The following ZP1 variants were observed in gnomAD, a reference collection of about 807,000 sequenced individuals.
ZP1 encodes zona pellucida sperm-binding protein 1.
A neutral mutation model predicts 67.4 loss-of-function variants in ZP1; 58 were observed. That is an observed-to-expected ratio of 0.86 (90% CI 0.70 to 1.07). The LOEUF is 1.07. ZP1 is among the 50% of genes least tolerant of loss of function. ZP1 has a pLI of 0.00. For missense variants in ZP1, 759 were observed against 807.3 expected (o/e 0.94, Z 0.72); for synonymous variants, 333 against 332.7 (o/e 1.00, Z -0.01).
Position 60,870,282 on chromosome 11 carries a change from T to C in ZP1, c.683-50T>C, listed in dbSNP as rs1172248743. ...TTCCCAAGATTCAATTCCAGGGCCATGATTTGCAAACTGTGTGCCTTCAGC... is the reference window on the plus strand; with the variant it reads ...TTCCCAAGATTCAATTCCAGGGCCACGATTTGCAAACTGTGTGCCTTCAGC... On this transcript the variant is annotated intron_variant, in intron 3 of 11. Coordinates refer to ENST00000278853, the MANE Select transcript of ZP1 (RefSeq NM_207341.4). The C allele has an allele frequency of 2.1e-6, 3 of 1,450,160 alleles. No homozygotes were observed. The African/African-American group carries it at 4.3e-5, about 21-fold the overall frequency. 89.8% of individuals were successfully genotyped at this position (1,450,160 alleles called of 1,614,324 possible).
chr11:60,873,344 C>A, intron 7 of ZP1, 31 bp from the exon 8 acceptor site: 2 of 1,591,438 alleles, frequency 1.3e-6, no homozygotes, highest in Non-Finnish European at 1.7e-6. Context: ...ATGCACAGCC[C>A]GCCCTGGCTC....
chr11:60,875,559 T>A lies in ZP1; in HGVS notation c.1820T>A (p.Leu607His), dbSNP rs1430205385. ...CTGAGACCTCTCCTTTGGGCGGTCCTTTTGCTGCCAGCTGTTGCCCTGGTC... is the reference window on the plus strand; with the variant it reads ...CTGAGACCTCTCCTTTGGGCGGTCCATTTGCTGCCAGCTGTTGCCCTGGTC... ...SSLRPLLWAV[L>H]LLPAVALVLG... Residue 607 changes from leucine (L) to histidine (H), a missense_variant, in exon 12 of 12, where the codon CTT becomes CAT. Physicochemically the swap from Leu to His is moderately conservative, Grantham distance 99 (BLOSUM62 -3). Coordinates refer to ENST00000278853, the MANE Select transcript of ZP1 (RefSeq NM_207341.4). The A allele has an allele frequency of 1.2e-6, 2 of 1,614,140 alleles. No homozygotes were observed. Among genetic ancestry groups the A allele is most frequent in the Non-Finnish European group, 1.7e-6 (2 of 1,180,002 alleles).
chr11:60,871,142 C>T lies in ZP1; in HGVS notation c.1012C>T (p.Gln338Ter). 6.2e-7 allele frequency: 1 copy of T among 1,613,982 alleles called. No homozygotes were observed. The highest frequency in any genetic ancestry group is 8.5e-7 in the Non-Finnish European group (1 of 1,179,932). ...TCTCACCCACTGTGGAACCACAATG[C>T]AGGTAGGAGCCGGGACCACAGGCTG... Reference protein sequence around the residue: ...FPLTHCGTTMQVAGDQLIYEN... With the variant: ...FPLTHCGTTM The change falls in exon 5 of 12, where the codon CAG becomes TAG. Residue 338 changes from glutamine to a stop codon, truncating the protein, a stop_gained and splice_region_variant. Transcript: ENST00000278853. LOFTEE classifies it high-confidence loss of function.
In ZP1 at chr11:60,871,316, T is replaced by A; in HGVS notation, c.1112+2T>A. 1 of 1,613,478 alleles carries A rather than the reference T, an allele frequency of 6.2e-7. No homozygotes were observed. Among genetic ancestry groups the A allele is most frequent in the Non-Finnish European group, 8.5e-7 (1 of 1,179,986 alleles). ...CATCACGCGGGACAGCACCTTCCAG[T>A]AAGGGCAGCCCTCCTCCTACAGGCG... On this transcript the variant is annotated splice_donor_variant, in intron 6 of 11. Coordinates refer to ENST00000278853, the MANE Select transcript of ZP1 (RefSeq NM_207341.4). LOFTEE classifies it high-confidence loss of function.
chr11:60,867,678 C>T lies in ZP1; in HGVS notation c.117C>T (p.His39=), dbSNP rs1377993612. Residue 39 remains histidine (H), a synonymous_variant, in exon 1 of 12, where the codon CAC becomes CAT. Coordinates refer to ENST00000278853, the MANE Select transcript of ZP1 (RefSeq NM_207341.4). ...ACCCTGGCCTCCCAGGCCTCCGGCA[C>T]AGCTACGACTGTGGGATCAAGGGAA... ...QPDPGLPGLR[H]SYDCGIKGMQ... is the part of the protein sequence containing the mutation. 6.2e-7 allele frequency: 1 copy of T among 1,613,956 alleles called. No individual in the cohort carries two copies. Among genetic ancestry groups the T allele is most frequent in the African/African-American group, 1.3e-5 (1 of 74,956 alleles).
At chr11:60,870,918 G>T (rs374372816) in intron 4 of ZP1, 39 bp from the exon 5 acceptor site, 217 of 1,584,074 alleles carry the variant, frequency 1.4e-4, no homozygotes, top group Non-Finnish European at 1.8e-4. Flanking sequence ...GTGCTGGATG[G>T]ACACCAAACC....
Position 60,870,580 on chromosome 11 carries a change from G to C in ZP1, c.826+105G>C, listed in dbSNP as rs983846242. On this transcript the variant is annotated intron_variant, in intron 4 of 11. Coordinates refer to ENST00000278853, the MANE Select transcript of ZP1 (RefSeq NM_207341.4). The stretch of plus-strand genomic sequence containing the variant: ...AACTGCTTCCTATCCTCCTCCTGGA[G>C]AGCCCAACTCCCAGAGCAGATGGCA... 2.7e-6 allele frequency: 4 copies of C among 1,454,724 alleles called. No individual in the cohort carries two copies. The African/African-American group carries it at 5.7e-5, about 21-fold the overall frequency. 90.1% of individuals were successfully genotyped at this position (1,454,724 alleles called of 1,614,324 possible). A position where few individuals can be genotyped will look rare whatever the true frequency, so the allele number is the denominator to read the frequency against.
At chr11:60,872,271 C>T (rs1035673738) in intron 6 of ZP1, among the ~76,000 whole-genome samples, 1 of 152,120 alleles carries the variant, frequency 6.6e-6, no homozygotes, top group Non-Finnish European at 1.5e-5. Context: ...CTGTGTCATG[C>T]CTTTAGACTC....
At chr11:60,868,279 T>C (rs1217638343) in intron 1 of ZP1, among the ~76,000 whole-genome samples, 1 of 152,180 alleles carries the variant, frequency 6.6e-6, no homozygotes, top group Non-Finnish European at 1.5e-5. Flanking sequence ...ACTCCTGACC[T>C]CAGGTGATCC....
In ZP1 at chr11:60,869,537, G is replaced by T. The variant is rs145707301; in HGVS notation, c.319G>T (p.Asp107Tyr). 3 of 1,600,644 alleles carry T rather than the reference G, an allele frequency of 1.9e-6. No individual in the cohort carries two copies. The highest frequency in any genetic ancestry group is 2.6e-6 in the Non-Finnish European group (3 of 1,171,390). ...CTCTATGATGGCCTCTCACCTGCAG[G>T]ATGGGCGTTTCCACCTGAGGGTGTT... ...DYRGCHVLEK[D>Y]GRFHLRVFME... The change falls in exon 3 of 12, where the codon GAT becomes TAT. Residue 107 changes from aspartate (D) to tyrosine (Y), a missense_variant and splice_region_variant. By Grantham distance (160) the Asp-to-Tyr change is radical. Transcript: ENST00000278853.
chr11:60,869,482 CTGGGTA>C (rs956161499), intron 2 of ZP1, 49 bp from the exon 3 acceptor site: 14 of 1,552,364 alleles, frequency 9.0e-6, no homozygotes, highest in Admixed American at 3.7e-5. Context: ...CGTCCCCTGC[CTGGGTA>C]TGCTAGGTGG....
Position 60,875,006 on chromosome 11 carries a change from G to C in ZP1, c.1646G>C (p.Gly549Ala). 1 of 1,614,250 alleles carries C rather than the reference G, an allele frequency of 6.2e-7. No homozygotes were observed. Residue 549 changes from glycine (G) to alanine (A), a missense_variant, in exon 10 of 12, where the codon GGC becomes GCC. By Grantham distance (60) the Gly-to-Ala change is moderately conservative. Transcript: ENST00000278853. The part of the protein sequence containing the change: ...LETCSTACST[G>A]TTRQRRSSGH... ...ACTTGCTCCACTGCATGTAGCACTG[G>C]CACTACAAGTGAGTCTGGGTTGCGA...
intron 11 of ZP1, 119 bp downstream of exon 11, chr11:60,875,367 C>A: frequency 6.6e-7 from 1 of 1,510,198 alleles, no homozygotes; most frequent in South Asian, 1.3e-5. Context: ...TCACTGCAGT[C>A]AGTGGGGAAC....
intron 4 of ZP1, chr11:60,870,698 T>G (rs1488998996): frequency 2.8e-5 from 19 of 682,236 alleles, no homozygotes; most frequent in Non-Finnish European, 3.8e-5. Context: ...TACACACATC[T>G]GGACTTTCAG....
chr11:60,870,717 C>T (rs924552539), intron 4 of ZP1: 13 of 666,390 alleles, frequency 2.0e-5, no homozygotes, highest in African/African-American at 7.2e-5. Context: ...AGATCTGAAA[C>T]GCCCTGGTTT....
chr11:60,867,572 G>T lies in ZP1; in HGVS notation c.11G>T (p.Gly4Val). 1 of 1,608,634 alleles carries T rather than the reference G, an allele frequency of 6.2e-7. No homozygotes were observed. Among genetic ancestry groups the T allele is most frequent in the Non-Finnish European group, 8.5e-7 (1 of 1,176,688 alleles). The part of the protein sequence containing the change: MAG[G>V]SATTWGYPVA... The stretch of plus-strand genomic sequence containing the variant: ...TGTCTGTGGCGTCTCATGGCAGGAG[G>T]CTCAGCCACGACCTGGGGTTACCCT... The change falls in exon 1 of 12, where the codon GGC becomes GTC. Residue 4 changes from glycine to valine, a missense_variant. By Grantham distance (109) the Gly-to-Val change is moderately radical (BLOSUM62 -3). Transcript: ENST00000278853.
intron 6 of ZP1, among the ~76,000 whole-genome samples, chr11:60,872,842 C>T (rs879290938): frequency 3.3e-5 from 5 of 152,162 alleles, no homozygotes; most frequent in Admixed American, 2.0e-4. Context: ...CAGCAGGCAG[C>T]TGTGGGTAGC....
At chr11:60,873,313 C>A in intron 7 of ZP1, 24 bp downstream of exon 7, 1 of 1,584,560 alleles carries the variant, frequency 6.3e-7, no homozygotes, top group Non-Finnish European at 8.6e-7. Flanking sequence ...TCCCTGCTCT[C>A]TTCTGGCCCC....
chr11:60,874,792 G>C, intron 9 of ZP1, 141 bp from the exon 10 acceptor site: 6 of 726,080 alleles, frequency 8.3e-6, no homozygotes, highest in Non-Finnish European at 1.2e-5. Flanking sequence ...TCATCATCTT[G>C]GTCAAGCAGC....
Sources: allele counts gnomAD v4.1 joint callset (sites outside exome capture counted in the v4.1 genomes callset), GRCh38; gene constraint gnomAD v4.1.1; transcripts MANE v1.5; gene names NCBI Gene and HGNC (gene_info 2026-07-23, HGNC 2026-07-21).